AKT3: variants seen among roughly 807,000 people sequenced by gnomAD.
The protein encoded by AKT3 is AKT serine/threonine kinase 3, also known as RAC-gamma serine/threonine-protein kinase.
AKT3 carries 15 observed loss-of-function variants against 65.3 expected under a neutral mutation model. That is an observed-to-expected ratio of 0.23 (90% CI 0.15 to 0.35). The LOEUF is 0.35. AKT3 is among the 10% of genes least tolerant of loss of function. The pLI is 1.00. For synonymous variants in AKT3, 206 were observed against 183.8 expected, an observed-to-expected ratio of 1.12 and a Z score of -0.98; for missense variants, 243 against 576.5, an observed-to-expected ratio of 0.42 and a Z score of 5.92.
At chr1:243,776,714 T>G (rs1033858358) in intron 2 of AKT3, among the ~76,000 whole-genome samples, 2 of 152,152 alleles carry the variant, frequency 1.3e-5, no homozygotes, top group African/African-American at 4.8e-5. Context: ...CTCCCTACAG[T>G]GGATCCAAGA....
intron 1 of AKT3, chr1:243,843,656 GTT>G (rs113990784): frequency 8.8e-4 from 552 of 624,766 alleles, no homozygotes; most frequent in Non-Finnish European, 9.8e-4. Context: ...TAAATTTTTT[GTT>G]TTTTTTTTTT....
At chr1:243,753,516 C>T (rs1688938944) in intron 2 of AKT3, among the ~76,000 whole-genome samples, 1 of 151,944 alleles carries the variant, frequency 6.6e-6, no homozygotes, top group South Asian at 2.1e-4. Flanking sequence ...CACAAATGAC[C>T]CTAGGAAATC....
intron 11 of AKT3, among the ~76,000 whole-genome samples, chr1:243,552,440 A>G (rs1228069245): frequency 6.6e-6 from 1 of 152,152 alleles, no homozygotes; most frequent in South Asian, 2.1e-4. Flanking sequence ...TTCTATCCCC[A>G]CAAGATCAAG....
At chr1:243,818,294 T>C (rs1432626887) in intron 2 of AKT3, 2 of 152,206 alleles carry the variant, frequency 1.3e-5, no homozygotes, top group East Asian at 1.9e-4. Context: ...ATGAGGTAGA[T>C]AGGTACTATT....
At position 243,499,736 on chromosome 1, in the gene AKT3, C is replaced by G. The variant is rs753870692; in HGVS notation, c.*5513G>C. 6.2e-7 allele frequency: 1 copy of G among 1,601,402 alleles called. No homozygotes were observed. Among genetic ancestry groups the G allele is most frequent in the Non-Finnish European group, 8.6e-7 (1 of 1,168,684 alleles). On this transcript the variant is annotated 3_prime_UTR_variant, in exon 14 of 14. Coordinates refer to ENST00000673466, the MANE Select transcript of AKT3 (RefSeq NM_005465.7). ...GAAGAACATGAGCTATTGAAACTTA[C>G]TTTTTATTATTTTTTCCAGTTACCC...
At chr1:243,552,222 G>A (rs1284291781) in intron 11 of AKT3, among the ~76,000 whole-genome samples, 1 of 139,950 alleles carries the variant, frequency 7.1e-6, no homozygotes, top group Non-Finnish European at 1.5e-5. Flanking sequence ...CTGGGAAGCA[G>A]AGGTTGCAGT....
At chr1:243,605,348 G>C (rs1457263456) in intron 8 of AKT3, among the ~76,000 whole-genome samples, 2 of 152,076 alleles carry the variant, frequency 1.3e-5, no homozygotes, top group African/African-American at 4.8e-5. Flanking sequence ...TTCTTTAAAT[G>C]AACACCTGCA....
At chr1:243,668,389 G>A (rs1682942876) in intron 3 of AKT3, among the ~76,000 whole-genome samples, 1 of 152,134 alleles carries the variant, frequency 6.6e-6, no homozygotes, top group South Asian at 2.1e-4. Flanking sequence ...AATGCAATTA[G>A]GAGTACAGAA....
intron 2 of AKT3, among the ~76,000 whole-genome samples, chr1:243,824,980 T>G (rs1364136854): frequency 1.3e-5 from 2 of 152,212 alleles, no homozygotes; most frequent in Non-Finnish European, 2.9e-5. Context: ...CTATTCCTGA[T>G]AGCAAAGACA....
intron 12 of AKT3, among the ~76,000 whole-genome samples, chr1:243,545,255 A>G (rs1471302803): frequency 1.3e-5 from 2 of 152,206 alleles, no homozygotes; most frequent in African/African-American, 4.8e-5. Flanking sequence ...AGAAATAATG[A>G]GAGGCAAACA....
chr1:243,681,710 A>T lies in AKT3; in HGVS notation c.172+13881T>A, dbSNP rs1683931979. Among the ~76,000 whole-genome samples the T allele has an allele frequency of 2.0e-5, 3 of 152,104 alleles. No homozygotes were observed. The South Asian group carries it at 6.2e-4, about 32-fold the overall frequency. ...CATCTCTGAACACCATATATGATTA[A>T]ATGCATTCAAACCAGGTGTTAGAGT... On this transcript the variant is annotated intron_variant, in intron 3 of 13. Transcript: ENST00000673466.
intron 2 of AKT3, among the ~76,000 whole-genome samples, chr1:243,723,489 T>C (rs1687037796): frequency 6.6e-6 from 1 of 152,198 alleles, no homozygotes; most frequent in African/African-American, 2.4e-5. Context: ...CACTATGTCA[T>C]ATTAATACTT....
chr1:243,529,241 C>G (rs1006964564), intron 12 of AKT3, among the ~76,000 whole-genome samples: 4 of 151,668 alleles, frequency 2.6e-5, no homozygotes, highest in Admixed American at 2.6e-4. Context: ...TATTTTCTCC[C>G]ATTCTGCAGA....
At chr1:243,607,291 T>G (rs1451220694) in intron 8 of AKT3, among the ~76,000 whole-genome samples, 1 of 152,114 alleles carries the variant, frequency 6.6e-6, no homozygotes, top group Non-Finnish European at 1.5e-5. Flanking sequence ...TGAAAGTAGC[T>G]GGGAGGAGGG....
intron 12 of AKT3, among the ~76,000 whole-genome samples, chr1:243,537,477 G>A (rs1410279372): frequency 1.3e-5 from 2 of 152,012 alleles, no homozygotes; most frequent in Non-Finnish European, 2.9e-5. Flanking sequence ...ACTAAAATAG[G>A]AGTCCTCAAT....
chr1:243,665,281 A>G (rs1454431820), intron 3 of AKT3, among the ~76,000 whole-genome samples: 2 of 152,144 alleles, frequency 1.3e-5, no homozygotes, highest in Non-Finnish European at 2.9e-5. Context: ...AACCTTCCAT[A>G]ACACCTCGCC....
chr1:243,792,967 G>A (rs1691722623), intron 2 of AKT3, among the ~76,000 whole-genome samples: 2 of 152,222 alleles, frequency 1.3e-5, no homozygotes, highest in South Asian at 4.1e-4. Context: ...ACATATCACA[G>A]GTCATCTAAT....
chr1:243,838,256 A>G (rs1464840686), intron 2 of AKT3, among the ~76,000 whole-genome samples: 2 of 152,160 alleles, frequency 1.3e-5, no homozygotes, highest in African/African-American at 2.4e-5. Context: ...TCAGAGTTTC[A>G]ATACCATTAG....
At chr1:243,669,437 G>A (rs1040473591) in intron 3 of AKT3, among the ~76,000 whole-genome samples, 1 of 152,150 alleles carries the variant, frequency 6.6e-6, no homozygotes, top group Non-Finnish European at 1.5e-5. Context: ...CACTATTTCA[G>A]TTTTACTTCA....
Sources: allele counts gnomAD v4.1 joint callset (sites outside exome capture counted in the v4.1 genomes callset), GRCh38; gene constraint gnomAD v4.1.1; transcripts MANE v1.5; gene names NCBI Gene and HGNC (gene_info 2026-07-23, HGNC 2026-07-21).